Variants in NLGN1 observed in about 807,000 individuals in gnomAD.
NLGN1 encodes the protein neuroligin-1.
A neutral mutation model predicts 65.5 loss-of-function variants in NLGN1; 12 were observed. The observed-to-expected ratio is 0.18, with a 90% confidence interval of 0.12 to 0.30. NLGN1 has a LOEUF of 0.30. NLGN1 is among the 10% of genes least tolerant of loss of function. The probability of loss-of-function intolerance (pLI) is 1.00; values close to 1 mark genes in which losing one functional copy is unlikely to be tolerated. For synonymous variants in NLGN1, 350 were observed against 359.5 expected (o/e 0.97, Z 0.30); for missense variants, 750 against 1,007.1 (o/e 0.74, Z 3.46).
rs75855352 is a variant in NLGN1 at position 174,069,668 on chromosome 3, G to A, written c.647-205647G>A. On this transcript the variant is annotated intron_variant, in intron 4 of 6. Coordinates refer to ENST00000457714, the Ensembl canonical transcript of NLGN1. ...TGCCCACAGAGGGTACAGTATAAGG[G>A]GTTCATTGATTGTTCAGCTGTTTGG... 7.9e-4 allele frequency among the ~76,000 whole-genome samples: 120 copies of A among 152,262 alleles called. 1 individual carries two copies. The East Asian group carries it at 0.022, about 28-fold the overall frequency.
chr3:174,285,547 A>G (rs1193558029), exon 7 of NLGN1: 2 of 151,572 alleles, frequency 1.3e-5, no homozygotes, highest in African/African-American at 2.4e-5. Flanking sequence ...ACTTGATCTG[A>G]TAGCAACATA....
chr3:173,638,332 C>T, intron 3 of NLGN1, among the ~76,000 whole-genome samples: 1 of 149,278 alleles, frequency 6.7e-6, no homozygotes, highest in South Asian at 2.1e-4. Flanking sequence ...CTTCAATAGA[C>T]AGATGTTGAT....
rs528410514 is a variant in NLGN1 at position 173,696,777 on chromosome 3, C to T, written c.493+91686C>T. On this transcript the variant is annotated intron_variant, in intron 3 of 6. Coordinates refer to ENST00000457714, the Ensembl canonical transcript of NLGN1. ...GTTTTAACCACATAAAAATGTTGCCCTACATATACAAGAAAGTGTAAATTT... is the reference window on the plus strand; with the variant it reads ...GTTTTAACCACATAAAAATGTTGCCTTACATATACAAGAAAGTGTAAATTT... 3.9e-5 allele frequency among the ~76,000 whole-genome samples: 6 copies of T among 152,172 alleles called. No individual in the cohort carries two copies. In the East Asian group the frequency reaches 1.2e-3, roughly 29 times the overall value.
intron 4 of NLGN1, among the ~76,000 whole-genome samples, chr3:173,920,358 A>G (rs907062282): frequency 2.6e-5 from 4 of 152,170 alleles, no homozygotes; most frequent in African/African-American, 9.7e-5. Flanking sequence ...CTCATAAAAT[A>G]ATGAAAACTA....
intron 4 of NLGN1, among the ~76,000 whole-genome samples, chr3:173,851,428 CT>C (rs2150739526): frequency 1.3e-5 from 2 of 152,092 alleles, no homozygotes; most frequent in South Asian, 2.1e-4. Context: ...GATTTTGATA[CT>C]TTTTTGAGGA....
At chr3:174,027,170 A>T (rs554130896) in intron 4 of NLGN1, among the ~76,000 whole-genome samples, 1 of 152,158 alleles carries the variant, frequency 6.6e-6, no homozygotes, top group South Asian at 2.1e-4. Flanking sequence ...AGGTTCCTGC[A>T]TACTATAACA....
chr3:174,168,601 C>T lies in NLGN1; in HGVS notation c.647-106714C>T, dbSNP rs116640599. Among the ~76,000 whole-genome samples, 381 of 152,216 alleles carry T rather than the reference C, an allele frequency of 2.5e-3. 2 individuals carry two copies. Among genetic ancestry groups the T allele is most frequent in the African/African-American group, 8.6e-3 (358 of 41,526 alleles). ...GTCACTTATAGGTAAGAGCTGGCTG[C>T]AGCCAATGTGACTGGGTATATACTT... On this transcript the variant is annotated intron_variant, in intron 4 of 6. Transcript: ENST00000457714.
At position 173,642,770 on chromosome 3, in the gene NLGN1, G is replaced by A. The variant is rs139729199; in HGVS notation, c.493+37679G>A. On this transcript the variant is annotated intron_variant, in intron 3 of 6. Transcript: ENST00000457714. ...GTTTTTAGGGCTGCAAACATATCCA[G>A]CACCCAATAAGATAAATTTCAAAAT... is the stretch of plus-strand genomic sequence containing the variant. 7.8e-3 allele frequency among the ~76,000 whole-genome samples: 1,180 copies of A among 152,198 alleles called. 13 individuals carry two copies. Among genetic ancestry groups the A allele is most frequent in the African/African-American group, 0.027 (1,138 of 41,512 alleles).
chr3:173,793,700 C>T (rs1428276468), intron 3 of NLGN1, among the ~76,000 whole-genome samples: 1 of 152,086 alleles, frequency 6.6e-6, no homozygotes, highest in Admixed American at 6.6e-5. Context: ...TGGAATAAGA[C>T]CTCAGAGGCT....
chr3:173,927,057 T>A (rs1453968930), intron 4 of NLGN1, among the ~76,000 whole-genome samples: 1 of 152,128 alleles, frequency 6.6e-6, no homozygotes, highest in Non-Finnish European at 1.5e-5. Context: ...AATTGCCTTT[T>A]TTTCCTTTCT....
chr3:173,619,371 G>A (rs1167723543), intron 3 of NLGN1, among the ~76,000 whole-genome samples: 3 of 152,038 alleles, frequency 2.0e-5, no homozygotes, highest in African/African-American at 7.2e-5. Flanking sequence ...TAACGCACTT[G>A]TTCATTATCT....
At chr3:173,479,171 G>T (rs1012446409) in intron 2 of NLGN1, among the ~76,000 whole-genome samples, 1 of 152,096 alleles carries the variant, frequency 6.6e-6, no homozygotes, top group Non-Finnish European at 1.5e-5. Flanking sequence ...ATCATTTGAA[G>T]ACATAAAAAT....
intron 4 of NLGN1, among the ~76,000 whole-genome samples, chr3:174,009,706 A>G (rs1248366718): frequency 1.3e-5 from 2 of 152,212 alleles, no homozygotes; most frequent in Admixed American, 6.5e-5. Flanking sequence ...ATTAAATAAA[A>G]TGTAGAAACA....
At chr3:173,508,267 A>G (rs1324444708) in intron 2 of NLGN1, among the ~76,000 whole-genome samples, 1 of 152,174 alleles carries the variant, frequency 6.6e-6, no homozygotes, top group Admixed American at 6.6e-5. Flanking sequence ...AGGGTTACAA[A>G]GGTATTACTA....
chr3:174,209,623 CTTTTTTTTTTTTT>C (rs796169913), intron 4 of NLGN1, among the ~76,000 whole-genome samples: 15 of 82,072 alleles, frequency 1.8e-4, no homozygotes, highest in Non-Finnish European at 2.4e-4. Context: ...ACCTTTCTTT[CTTTTTTTTTTTTT>C]TTTTTTTTTT....
intron 4 of NLGN1, among the ~76,000 whole-genome samples, chr3:174,051,539 T>C (rs1734874192): frequency 6.6e-6 from 1 of 152,098 alleles, no homozygotes; most frequent in African/African-American, 2.4e-5. Context: ...CTCATAGCCT[T>C]ATGTATGACA....
At chr3:173,506,925 T>A (rs1025581188) in intron 2 of NLGN1, among the ~76,000 whole-genome samples, 2 of 152,158 alleles carry the variant, frequency 1.3e-5, no homozygotes, top group African/African-American at 2.4e-5. Context: ...TGTCACAAGT[T>A]GTACATTTAA....
At chr3:173,436,124 G>A (rs985441731) in intron 2 of NLGN1, among the ~76,000 whole-genome samples, 1 of 152,172 alleles carries the variant, frequency 6.6e-6, no homozygotes, top group Non-Finnish European at 1.5e-5. Context: ...AACACTGAGT[G>A]AACCCAGCAC....
chr3:174,271,393 G>A (rs538383303), intron 4 of NLGN1, among the ~76,000 whole-genome samples: 2 of 151,694 alleles, frequency 1.3e-5, no homozygotes, highest in East Asian at 1.9e-4. Context: ...CCAATAAACC[G>A]CAGGGCTACT....
Sources: allele counts gnomAD v4.1 joint callset (sites outside exome capture counted in the v4.1 genomes callset), GRCh38; gene constraint gnomAD v4.1.1; transcripts MANE v1.5; gene names NCBI Gene and HGNC (gene_info 2026-07-23, HGNC 2026-07-21).